Variants in ADAM12 observed in about 807,000 individuals in gnomAD.
ADAM12 encodes ADAM metallopeptidase domain 12, also known as disintegrin and metalloproteinase domain-containing protein 12.
ADAM12 carries 70 observed loss-of-function variants against 106.4 expected under a neutral mutation model. That is an observed-to-expected ratio of 0.66 (90% CI 0.54 to 0.80). The LOEUF (loss-of-function observed/expected upper bound fraction) is 0.80. Among genes scored for constraint, ADAM12 ranks in the 30% least tolerant of loss-of-function variants. The pLI, the probability that ADAM12 is intolerant of heterozygous loss-of-function variation, is 0.00. For missense variants in ADAM12, 1,010 were observed against 1,171.9 expected, an observed-to-expected ratio of 0.86 and a Z score of 2.02; for synonymous variants, 420 against 433.5, an observed-to-expected ratio of 0.97 and a Z score of 0.39.
At chr10:126,029,999 C>T (rs1303924347) in intron 21 of ADAM12, among the ~76,000 whole-genome samples, 2 of 152,138 alleles carry the variant, frequency 1.3e-5, no homozygotes, top group East Asian at 3.8e-4. Context: ...AGGAATTTAT[C>T]CATCTTGGGC....
rs1333403235 is a variant in ADAM12, at chr10:126,158,606, C to T, written c.261-3301G>A. 2.5e-4 allele frequency among the ~76,000 whole-genome samples: 13 copies of T among 52,694 alleles called. 1 individual carries two copies. Among genetic ancestry groups the T allele is most frequent in the Admixed American group, 4.6e-4 (2 of 4,332 alleles). 34.6% of individuals were successfully genotyped at this position (52,694 alleles called of 152,430 possible). A position where few individuals can be genotyped will look rare whatever the true frequency, so the allele number is the denominator to read the frequency against. On this transcript the variant is annotated intron_variant, in intron 3 of 22. Coordinates refer to ENST00000448723, the MANE Select transcript of ADAM12 (RefSeq NM_001288973.2). ...GGGGTGGGGATGCAGAGAGCAGAGGCGGGGAGGATGCAGAGAGCATGGGGC... is the reference window on the plus strand; with the variant it reads ...GGGGTGGGGATGCAGAGAGCAGAGGTGGGGAGGATGCAGAGAGCATGGGGC...
intron 3 of ADAM12, among the ~76,000 whole-genome samples, chr10:126,218,776 T>C (rs1028006068): frequency 6.6e-6 from 1 of 152,210 alleles, no homozygotes; most frequent in Non-Finnish European, 1.5e-5. Context: ...CAGAATGTAC[T>C]GTTCTACCCC....
chr10:126,264,998 A>G (rs886509083), intron 3 of ADAM12, among the ~76,000 whole-genome samples: 4 of 152,222 alleles, frequency 2.6e-5, no homozygotes, highest in African/African-American at 9.6e-5. Context: ...TTTGTGTAAT[A>G]TCTATATGGG....
intron 5 of ADAM12, among the ~76,000 whole-genome samples, chr10:126,126,070 A>C (rs1482604728): frequency 6.6e-6 from 1 of 152,158 alleles, no homozygotes; most frequent in Non-Finnish European, 1.5e-5. Flanking sequence ...CTGTTGTTTG[A>C]AGCCACCTAG....
intron 6 of ADAM12, among the ~76,000 whole-genome samples, chr10:126,113,938 G>C (rs1006540312): frequency 2.0e-5 from 3 of 151,602 alleles, no homozygotes; most frequent in Non-Finnish European, 2.9e-5. Context: ...CACAGCCAAA[G>C]TGTCCATCGC....
intron 3 of ADAM12, among the ~76,000 whole-genome samples, chr10:126,170,445 G>T (rs867217330): frequency 2.5e-5 from 3 of 119,112 alleles, no homozygotes; most frequent in Non-Finnish European, 4.8e-5. Flanking sequence ...AAAAGAGGGC[G>T]GGGGGGGAGT....
In ADAM12 at chr10:126,224,014, G is replaced by A. The variant is rs527733319; in HGVS notation, c.260+54901C>T. On this transcript the variant is annotated intron_variant, in intron 3 of 22. Transcript: ENST00000448723. Reference sequence around the variant, plus strand: ...AAACGTGGGACTTGGATTTGAACCCGGCACTGTCCTCTCAGAGTGGAACTC... The same window carrying A: ...AAACGTGGGACTTGGATTTGAACCCAGCACTGTCCTCTCAGAGTGGAACTC... Among the ~76,000 whole-genome samples, 206 of 152,300 alleles carry A rather than the reference G, an allele frequency of 1.4e-3. 1 individual carries two copies. The highest frequency in any genetic ancestry group is 4.6e-3 in the African/African-American group (193 of 41,560).
chr10:126,143,866 A>G (rs1158596382), intron 4 of ADAM12, among the ~76,000 whole-genome samples: 1 of 152,142 alleles, frequency 6.6e-6, no homozygotes, highest in African/African-American at 2.4e-5. Flanking sequence ...GCCCCAACAT[A>G]CTACATGTTT....
At chr10:126,271,990 C>T (rs533567710) in intron 3 of ADAM12, among the ~76,000 whole-genome samples, 1 of 152,306 alleles carries the variant, frequency 6.6e-6, no homozygotes, top group South Asian at 2.1e-4. Context: ...CTCTCTCTAC[C>T]TCCTGCCCTC....
intron 3 of ADAM12, among the ~76,000 whole-genome samples, chr10:126,247,505 G>A (rs1436628290): frequency 1.3e-5 from 2 of 152,186 alleles, no homozygotes; most frequent in Non-Finnish European, 2.9e-5. Flanking sequence ...ATATTTAGGA[G>A]AGAGCCTGCC....
At chr10:126,176,682 T>C (rs991130555) in intron 3 of ADAM12, among the ~76,000 whole-genome samples, 19 of 152,218 alleles carry the variant, frequency 1.2e-4, no homozygotes, top group Non-Finnish European at 4.4e-5. Context: ...ATGATACTCT[T>C]TTAGCCTAAA....
chr10:126,101,076 C>G lies in ADAM12; in HGVS notation c.907G>C (p.Val303Leu). 1 of 1,613,674 alleles carries G rather than the reference C, an allele frequency of 6.2e-7. No individual in the cohort carries two copies. The highest frequency in any genetic ancestry group is 8.5e-7 in the Non-Finnish European group (1 of 1,179,786). ...AGACAAGACGTAACTCCCTACCTGA[C>G]AAGCTGCGCATTGTCATGGGATTTG... Reference protein sequence around the residue: ...PRKSHDNAQLVSGVYFQGTTI... With the variant: ...PRKSHDNAQLLSGVYFQGTTI... Residue 303 changes from valine (V) to leucine (L), a missense_variant, in exon 9 of 23, where the codon GTC (valine) becomes CTC (leucine). Physicochemically the swap from Val to Leu is conservative, Grantham distance 32. Around this residue, in one of 3 missense-constraint regions of ADAM12, gnomAD observed 391 missense variants for 442.9 expected, o/e 0.88. Coordinates refer to ENST00000448723, the MANE Select transcript of ADAM12 (RefSeq NM_001288973.2).
At chr10:126,227,949 C>T (rs1958232473) in intron 3 of ADAM12, among the ~76,000 whole-genome samples, 1 of 152,070 alleles carries the variant, frequency 6.6e-6, no homozygotes, top group Non-Finnish European at 1.5e-5. Flanking sequence ...CCATTCATAT[C>T]CTGGAGTCCC....
At chr10:126,267,188 C>T (rs1218635546) in intron 3 of ADAM12, among the ~76,000 whole-genome samples, 1 of 152,110 alleles carries the variant, frequency 6.6e-6, no homozygotes, top group Non-Finnish European at 1.5e-5. Context: ...TTGGGTTTTG[C>T]TGTTGAATCA....
At chr10:126,288,910 G>T (rs970427864) in intron 2 of ADAM12, among the ~76,000 whole-genome samples, 5 of 148,552 alleles carry the variant, frequency 3.4e-5, no homozygotes, top group African/African-American at 1.2e-4. Flanking sequence ...CCACAGGGTG[G>T]CATGATGGCC....
At chr10:126,036,800 T>C (rs893078974) in intron 20 of ADAM12, among the ~76,000 whole-genome samples, 4 of 152,166 alleles carry the variant, frequency 2.6e-5, no homozygotes, top group African/African-American at 9.7e-5. Context: ...CGTTCTCCCA[T>C]ATGGTAACCC....
At chr10:126,182,535 T>C (rs562219102) in intron 3 of ADAM12, among the ~76,000 whole-genome samples, 3 of 152,324 alleles carry the variant, frequency 2.0e-5, no homozygotes, top group Non-Finnish European at 4.4e-5. Flanking sequence ...AGCATGAAAA[T>C]AGCAGATTCT....
rs767909233 is a variant in ADAM12 at position 126,019,737 on chromosome 10, G to A, written c.2618C>T (p.Thr873Ile). Reference protein sequence around the residue: ...TTRLTHALARTPGQWETGLRL... With the variant: ...TTRLTHALARIPGQWETGLRL... Reference sequence around the variant, plus strand: ...GAGCCCAGTCTCCCATTGTCCTGGGGTCCTGGCCAAGGCATGAGTGAGCCG... The same window carrying A: ...GAGCCCAGTCTCCCATTGTCCTGGGATCCTGGCCAAGGCATGAGTGAGCCG... The change falls in exon 22 of 23, where the codon ACC (threonine) becomes ATC (isoleucine). Residue 873 changes from threonine (T) to isoleucine (I), a missense_variant. Transcript: ENST00000448723. 3 of 1,614,042 alleles carry A rather than the reference G, an allele frequency of 1.9e-6. No individual in the cohort carries two copies. The highest frequency in any genetic ancestry group is 2.2e-5 in the East Asian group (1 of 44,866).
rs115128074 is a variant in ADAM12, at chr10:126,167,251, G to A, written c.261-11946C>T. ...ATATGAGACACTGGAGGCAAAGAGA[G>A]GTTAGGCAACTTTGCCGGGGTCACA... On this transcript the variant is annotated intron_variant, in intron 3 of 22. Coordinates refer to ENST00000448723, the MANE Select transcript of ADAM12 (RefSeq NM_001288973.2). 4.4e-3 allele frequency among the ~76,000 whole-genome samples: 665 copies of A among 152,344 alleles called. 7 individuals are homozygous for A. Among genetic ancestry groups the A allele is most frequent in the African/African-American group, 0.015 (635 of 41,584 alleles).
Sources: gnomAD v4.1 joint callset for allele counts (sites outside exome capture counted in the v4.1 genomes callset) on GRCh38, gnomAD v4.1.1 for gene constraint, gnomAD v4.1.1 regional missense constraint, MANE v1.5 for transcripts, NCBI Gene and HGNC (gene_info 2026-07-23, HGNC 2026-07-21) for gene names.